Variants in HS3ST5 observed in about 807,000 individuals in gnomAD.
The protein encoded by HS3ST5 is heparan sulfate-glucosamine 3-sulfotransferase 5.
A neutral mutation model predicts 25.4 loss-of-function variants in HS3ST5; 10 were observed. The observed-to-expected ratio is 0.39, with a 90% confidence interval of 0.24 to 0.67. The LOEUF is 0.67. HS3ST5 is among the 30% of genes least tolerant of loss of function. HS3ST5 has a pLI of 0.44. For missense variants in HS3ST5, 324 were observed against 420.7 expected (o/e 0.77, Z 2.01); for synonymous variants, 170 against 162.4 (o/e 1.05, Z -0.36).
At chr6:114,303,102 G>C (rs1775146937) in intron 1 of HS3ST5, among the ~76,000 whole-genome samples, 2 of 152,060 alleles carry the variant, frequency 1.3e-5, no homozygotes, top group Admixed American at 6.6e-5. Flanking sequence ...TTCTGCACTG[G>C]GGTGTAACCA....
chr6:114,065,026 A>G (rs1458098439), intron 3 of HS3ST5, among the ~76,000 whole-genome samples: 1 of 152,196 alleles, frequency 6.6e-6, no homozygotes, highest in Non-Finnish European at 1.5e-5. Flanking sequence ...AAAAACAGGT[A>G]GGCTGGATGA....
intron 2 of HS3ST5, among the ~76,000 whole-genome samples, chr6:114,183,309 A>G (rs999619109): frequency 7.2e-5 from 11 of 152,120 alleles, no homozygotes; most frequent in African/African-American, 2.7e-4. Context: ...ATGAGATCTA[A>G]TAGTTGTATA....
At position 114,172,373 on chromosome 6, in the gene HS3ST5, G is replaced by C. The variant is rs182346775; in HGVS notation, c.-144-3911C>G. On this transcript the variant is annotated intron_variant, in intron 2 of 4. Transcript: ENST00000312719. The stretch of plus-strand genomic sequence containing the variant: ...ACAAATATTCCTCCTATTTAGATTA[G>C]ACAGTATTAGGTAGTAATCAAAGCC... Among the ~76,000 whole-genome samples, 62 of 152,260 alleles carry C rather than the reference G, an allele frequency of 4.1e-4. 1 individual carries two copies. The East Asian group carries it at 0.012, about 28-fold the overall frequency.
At chr6:114,078,399 G>A (rs1427650731) in intron 3 of HS3ST5, among the ~76,000 whole-genome samples, 4 of 151,832 alleles carry the variant, frequency 2.6e-5, no homozygotes, top group Non-Finnish European at 5.9e-5. Context: ...TAGTAGAGAC[G>A]GGTTTTCACC....
chr6:114,185,277 A>G (rs12525483), intron 2 of HS3ST5, among the ~76,000 whole-genome samples: 1 of 152,304 alleles, frequency 6.6e-6, no homozygotes, highest in African/African-American at 2.4e-5. Flanking sequence ...GGGGAAAATA[A>G]TTAGGTCACG....
chr6:114,315,901 AGTT>A, intron 1 of HS3ST5, among the ~76,000 whole-genome samples: 1 of 152,232 alleles, frequency 6.6e-6, no homozygotes, highest in South Asian at 2.1e-4. Context: ...TTCTTGTCTG[AGTT>A]GTTGCTAACA....
intron 2 of HS3ST5, among the ~76,000 whole-genome samples, chr6:114,227,869 C>A (rs1183713222): frequency 6.6e-6 from 1 of 151,988 alleles, no homozygotes; most frequent in East Asian, 1.9e-4. Flanking sequence ...CTACAGAGAA[C>A]AATGACAGGG....
At chr6:114,319,658 AT>A (rs1401492136) in intron 1 of HS3ST5, among the ~76,000 whole-genome samples, 1 of 152,098 alleles carries the variant, frequency 6.6e-6, no homozygotes, top group African/African-American at 2.4e-5. Context: ...ACCATTTCAT[AT>A]TTTAAAGTTC....
chr6:114,192,866 C>T lies in HS3ST5; in HGVS notation c.-144-24404G>A, dbSNP rs181488889. Among the ~76,000 whole-genome samples the T allele has an allele frequency of 7.2e-5, 11 of 152,284 alleles. No homozygotes were observed. In the South Asian group the frequency reaches 1.5e-3, roughly 20 times the overall value. ...AGTTTCTCTGAAAGATGTCATATTA[C>T]GAGCTTCTATGCAACAGAAAGTGAT... is the stretch of plus-strand genomic sequence containing the variant. On this transcript the variant is annotated intron_variant, in intron 2 of 4. Transcript: ENST00000312719.
chr6:114,148,482 G>T (rs560055019), intron 3 of HS3ST5, among the ~76,000 whole-genome samples: 1 of 152,102 alleles, frequency 6.6e-6, no homozygotes, highest in African/African-American at 2.4e-5. Context: ...TTAACTGGGT[G>T]TGGTGGCGGA....
intron 1 of HS3ST5, among the ~76,000 whole-genome samples, chr6:114,335,309 A>C (rs1369904626): frequency 1.7e-4 from 21 of 122,570 alleles, no homozygotes; most frequent in Admixed American, 4.5e-4. Context: ...ATGAGTGGCA[A>C]AAAAAAAAAA....
intron 1 of HS3ST5, among the ~76,000 whole-genome samples, chr6:114,315,924 T>C (rs1775729051): frequency 6.6e-6 from 1 of 152,188 alleles, no homozygotes; most frequent in Non-Finnish European, 1.5e-5. Flanking sequence ...AGCTTTTAAT[T>C]TGGGAAGTGT....
At chr6:114,288,825 A>G (rs1774449606) in intron 1 of HS3ST5, among the ~76,000 whole-genome samples, 1 of 152,094 alleles carries the variant, frequency 6.6e-6, no homozygotes, top group African/African-American at 2.4e-5. Context: ...TCAGTCCAAT[A>G]GTTATGAGGA....
chr6:114,309,338 G>C (rs1775434891), intron 1 of HS3ST5, among the ~76,000 whole-genome samples: 1 of 152,126 alleles, frequency 6.6e-6, no homozygotes, highest in Non-Finnish European at 1.5e-5. Flanking sequence ...CTATGTGAGG[G>C]ACTTGTCAAT....
intron 2 of HS3ST5, among the ~76,000 whole-genome samples, chr6:114,197,290 C>T (rs938168933): frequency 1.3e-5 from 2 of 151,884 alleles, no homozygotes; most frequent in African/African-American, 4.8e-5. Flanking sequence ...GTTGTCAGTC[C>T]CATACAAATT....
chr6:114,153,969 G>A (rs1032178378), intron 3 of HS3ST5, among the ~76,000 whole-genome samples: 33 of 152,158 alleles, frequency 2.2e-4, no homozygotes, highest in African/African-American at 7.7e-4. Flanking sequence ...GGGGCTCAGG[G>A]GGACTGAATG....
At chr6:114,095,617 T>C (rs1234065258) in intron 3 of HS3ST5, among the ~76,000 whole-genome samples, 4 of 152,146 alleles carry the variant, frequency 2.6e-5, no homozygotes, top group African/African-American at 4.8e-5. Context: ...AGCCCAAAAA[T>C]GACCTCACTT....
At chr6:114,074,293 T>C (rs1773995562) in intron 3 of HS3ST5, among the ~76,000 whole-genome samples, 1 of 141,808 alleles carries the variant, frequency 7.1e-6, no homozygotes, top group Non-Finnish European at 1.5e-5. Context: ...TAAAGTATAA[T>C]AATTAAAAAA....
At chr6:114,204,744 C>A (rs948304028) in intron 2 of HS3ST5, among the ~76,000 whole-genome samples, 1 of 151,928 alleles carries the variant, frequency 6.6e-6, no homozygotes, top group Admixed American at 6.6e-5. Context: ...TTTTTTGTAA[C>A]TTGCCTTTAT....
Sources: allele counts gnomAD v4.1 joint callset (sites outside exome capture counted in the v4.1 genomes callset), GRCh38; gene constraint gnomAD v4.1.1; transcripts MANE v1.5; gene names NCBI Gene and HGNC (gene_info 2026-07-23, HGNC 2026-07-21).